Variants in ST8SIA1 observed in about 807,000 individuals in gnomAD.
The protein encoded by ST8SIA1 is alpha-N-acetylneuraminide alpha-2,8-sialyltransferase.
In ST8SIA1, 16 loss-of-function variants were observed where a neutral mutation model predicts 35.9. That is an observed-to-expected ratio of 0.45 (90% CI 0.30 to 0.68). The LOEUF is 0.68. Ranked by LOEUF, ST8SIA1 falls within the 30% of genes least tolerant of loss-of-function variation. The pLI is 0.09. For missense variants in ST8SIA1, 383 were observed against 453.6 expected, an observed-to-expected ratio of 0.84 and a Z score of 1.41; for synonymous variants, 170 against 169.6, an observed-to-expected ratio of 1.00 and a Z score of -0.02.
At chr12:22,216,815 G>A (rs1865239012) in intron 4 of ST8SIA1, among the ~76,000 whole-genome samples, 1 of 152,218 alleles carries the variant, frequency 6.6e-6, no homozygotes, top group East Asian at 1.9e-4. Context: ...TTGTCACAAA[G>A]TGCATTTAAT....
chr12:22,249,427 A>G (rs1865643185), intron 3 of ST8SIA1, among the ~76,000 whole-genome samples: 3 of 152,008 alleles, frequency 2.0e-5, no homozygotes, highest in Middle Eastern at 3.2e-3. Flanking sequence ...TCACCGTGTT[A>G]TCCAGGACGG....
chr12:22,214,059 C>T (rs1034958519), intron 4 of ST8SIA1, among the ~76,000 whole-genome samples: 9 of 152,186 alleles, frequency 5.9e-5, no homozygotes, highest in Non-Finnish European at 1.2e-4. Flanking sequence ...AGACTATTAT[C>T]CAAATTTGAA....
At chr12:22,268,154 T>A (rs1865868553) in intron 2 of ST8SIA1, among the ~76,000 whole-genome samples, 2 of 152,220 alleles carry the variant, frequency 1.3e-5, no homozygotes, top group South Asian at 4.1e-4. Context: ...TTTTCATTAA[T>A]TAATTGATTT....
At chr12:22,286,979 C>T (rs540021474) in intron 2 of ST8SIA1, among the ~76,000 whole-genome samples, 170 bp downstream of exon 2, 5 of 152,188 alleles carry the variant, frequency 3.3e-5, no homozygotes, top group Non-Finnish European at 7.3e-5. Context: ...TGCATCAAAA[C>T]ACTGTGATTT....
chr12:22,319,081 G>A lies in ST8SIA1; in HGVS notation c.236+14916C>T, dbSNP rs151156821. Among the ~76,000 whole-genome samples the A allele has an allele frequency of 3.1e-3, 478 of 152,236 alleles. 5 individuals carry two copies. The highest frequency in any genetic ancestry group is 0.029 in the Admixed American group (450 of 15,292). The stretch of plus-strand genomic sequence containing the variant: ...ATTACTGACTGCCTAACTGCCCTTA[G>A]GTAAATAATTGTTCACAGCCTGTTT... On this transcript the variant is annotated intron_variant, in intron 1 of 4. Coordinates refer to ENST00000396037, the MANE Select transcript of ST8SIA1 (RefSeq NM_003034.4).
intron 4 of ST8SIA1, among the ~76,000 whole-genome samples, chr12:22,202,828 G>A (rs1157380812): frequency 6.6e-6 from 1 of 152,108 alleles, no homozygotes; most frequent in Non-Finnish European, 1.5e-5. Context: ...CTTCTTATAG[G>A]GAAACAACAG....
chr12:22,286,062 CAT>C (rs1186645392), intron 2 of ST8SIA1, among the ~76,000 whole-genome samples: 2 of 152,072 alleles, frequency 1.3e-5, no homozygotes, highest in Non-Finnish European at 1.5e-5. Context: ...AATTCAGTTC[CAT>C]ATATCATAGC....
chr12:22,255,763 T>C (rs1343690294), intron 2 of ST8SIA1, among the ~76,000 whole-genome samples: 1 of 152,232 alleles, frequency 6.6e-6, no homozygotes, highest in Non-Finnish European at 1.5e-5. Context: ...CATTCTCCTA[T>C]GTGATTGCAA....
At chr12:22,304,521 G>A (rs12319691) in intron 1 of ST8SIA1, among the ~76,000 whole-genome samples, 2,643 of 151,962 alleles carry the variant, frequency 0.017, 60 homozygotes, top group African/African-American at 0.061. Context: ...GGGAGAAACC[G>A]GTTTTTCCTT....
At chr12:22,316,149 A>G (rs1460005802) in intron 1 of ST8SIA1, among the ~76,000 whole-genome samples, 1 of 152,202 alleles carries the variant, frequency 6.6e-6, no homozygotes, top group Non-Finnish European at 1.5e-5. Context: ...AAAAATCTCA[A>G]CAAGAATCAT....
At chr12:22,264,183 C>G (rs1030703705) in intron 2 of ST8SIA1, among the ~76,000 whole-genome samples, 2 of 152,052 alleles carry the variant, frequency 1.3e-5, no homozygotes, top group Non-Finnish European at 2.9e-5. Context: ...TTATAGCCCC[C>G]CTCTTATGAA....
At chr12:22,298,125 A>C (rs1866270165) in intron 1 of ST8SIA1, among the ~76,000 whole-genome samples, 1 of 152,090 alleles carries the variant, frequency 6.6e-6, no homozygotes, top group African/African-American at 2.4e-5. Context: ...AGGGCATGGA[A>C]ATTCTGCACC....
At chr12:22,204,661 G>C (rs1203957522) in intron 4 of ST8SIA1, among the ~76,000 whole-genome samples, 3 of 152,136 alleles carry the variant, frequency 2.0e-5, no homozygotes, top group African/African-American at 7.2e-5. Flanking sequence ...TAGTCTTGAA[G>C]GGAGTAGTTT....
At chr12:22,223,816 TA>T in intron 4 of ST8SIA1, 1 of 1,221,300 alleles carries the variant, frequency 8.2e-7, no homozygotes, top group Non-Finnish European at 1.0e-6. Context: ...TAGAATGAAT[TA>T]TATTCCCTGC....
chr12:22,230,578 G>C (rs1042346492), intron 4 of ST8SIA1, among the ~76,000 whole-genome samples: 3 of 152,158 alleles, frequency 2.0e-5, no homozygotes, highest in Non-Finnish European at 2.9e-5. Flanking sequence ...TCCAGTTAAA[G>C]AATTATTCTA....
At chr12:22,318,642 C>T (rs557951754) in intron 1 of ST8SIA1, among the ~76,000 whole-genome samples, 13 of 152,188 alleles carry the variant, frequency 8.5e-5, no homozygotes, top group Non-Finnish European at 1.6e-4. Context: ...AAGAGACATC[C>T]TCCTTCCTCA....
At chr12:22,285,807 T>C (rs973961261) in intron 2 of ST8SIA1, among the ~76,000 whole-genome samples, 12 of 146,514 alleles carry the variant, frequency 8.2e-5, no homozygotes, top group East Asian at 2.0e-4. Context: ...AAGGTGGAGG[T>C]TGCAGTGACC....
intron 1 of ST8SIA1, 33 bp downstream of exon 1, chr12:22,333,964 G>A (rs924828999): frequency 3.8e-6 from 6 of 1,592,994 alleles, no homozygotes; most frequent in Non-Finnish European, 5.2e-6. Context: ...AGGAAAGGAC[G>A]CTAGAGGGGA....
chr12:22,277,058 G>A (rs1285075773), intron 2 of ST8SIA1, among the ~76,000 whole-genome samples: 3 of 152,134 alleles, frequency 2.0e-5, no homozygotes, highest in African/African-American at 7.2e-5. Context: ...GGAATGGTTG[G>A]TGCATCCCTA....
Sources: allele counts gnomAD v4.1 joint callset (sites outside exome capture counted in the v4.1 genomes callset), GRCh38; gene constraint gnomAD v4.1.1; transcripts MANE v1.5; gene names NCBI Gene and HGNC (gene_info 2026-07-23, HGNC 2026-07-21).